PDK1: variants seen among roughly 807,000 people sequenced by gnomAD.
The protein encoded by PDK1 is pyruvate dehydrogenase kinase 1.
A neutral mutation model predicts 54.2 loss-of-function variants in PDK1; 39 were observed. The ratio of observed to expected loss-of-function variants is 0.72; its 90% CI spans 0.56 to 0.94. The LOEUF (loss-of-function observed/expected upper bound fraction) is 0.94. Among genes scored for constraint, PDK1 ranks in the 40% least tolerant of loss-of-function variants. The pLI is 0.00. For synonymous variants in PDK1, 221 were observed against 207.1 expected (o/e 1.07, Z -0.58); for missense variants, 552 against 566.0 (o/e 0.98, Z 0.25).
the PDK1 span, among the ~76,000 whole-genome samples, chr2:172,634,772 C>CAAA: frequency 5.2e-4 from 68 of 129,762 alleles, 1 homozygote; most frequent in African/African-American, 2.0e-3. Flanking sequence ...TCTTAAAATG[C>CAAA]AAAAAAAAAA....
intron 3 of PDK1, chr2:172,564,002 T>C (rs1365835033): frequency 2.1e-6 from 1 of 471,196 alleles, no homozygotes; most frequent in African/African-American, 2.0e-5. Flanking sequence ...AAATGAGAAT[T>C]CTTTTCTGTT....
rs553151811 is a variant in PDK1, at chr2:172,602,301, ATCTT to A, written c.*6335_*6338del. ...ATATTGTATCATGAGCAAAAGGAGAATCTTTCCCAGGAACAGGAGGATGTTTTAA... is the reference window on the plus strand; with the variant it reads ...ATATTGTATCATGAGCAAAAGGAGAATCCCAGGAACAGGAGGATGTTTTAA... On this transcript the variant is annotated 3_prime_UTR_variant, in exon 11 of 11. Transcript: ENST00000282077. 1.3e-5 allele frequency: 2 copies of A among 152,352 alleles called. No homozygotes were observed. Among genetic ancestry groups the A allele is most frequent in the South Asian group, 2.1e-4 (1 of 4,828 alleles). The allele number at this position is 152,352 out of a possible 1,614,324, so 9.4% of individuals were successfully genotyped here. A position where few individuals can be genotyped will look rare whatever the true frequency, so the allele number is the denominator to read the frequency against.
At chr2:172,580,464 C>T (rs1035817852) in intron 8 of PDK1, among the ~76,000 whole-genome samples, 5 of 152,044 alleles carry the variant, frequency 3.3e-5, no homozygotes, top group African/African-American at 7.3e-5. Flanking sequence ...TGCTATTATC[C>T]GTCATTGCAT....
chr2:172,567,909 G>A (rs977133854), intron 6 of PDK1, among the ~76,000 whole-genome samples: 1 of 152,204 alleles, frequency 6.6e-6, no homozygotes, highest in Non-Finnish European at 1.5e-5. Context: ...CCTATTAAGT[G>A]TTTAAATGTA....
chr2:172,688,878 G>A, the PDK1 span, among the ~76,000 whole-genome samples: 1 of 152,202 alleles, frequency 6.6e-6, no homozygotes, highest in Non-Finnish European at 1.5e-5. Context: ...TGTGTCCAGA[G>A]TTGGTTCCTT....
the PDK1 span, among the ~76,000 whole-genome samples, chr2:172,630,123 G>A: frequency 4.9e-3 from 750 of 152,242 alleles, 3 homozygotes; most frequent in Non-Finnish European, 8.9e-3. Context: ...ACTAACACTT[G>A]GGATCATATG....
chr2:172,700,266 T>C, the PDK1 span, among the ~76,000 whole-genome samples: 1 of 152,100 alleles, frequency 6.6e-6, no homozygotes, highest in African/African-American at 2.4e-5. Context: ...CAATGAGCTG[T>C]TGGGTACACC....
At chr2:172,622,255 C>CATATTATGTGAGATGTTTATATCTCAT in the PDK1 span, among the ~76,000 whole-genome samples, 1 of 124,936 alleles carries the variant, frequency 8.0e-6, no homozygotes, top group East Asian at 2.4e-4. Context: ...GTTTATATCT[C>CATATTATGTGAGATGTTTATATCTCAT]ATATTATGTG....
chr2:172,633,867 A>ATTTTTTTTT, the PDK1 span, among the ~76,000 whole-genome samples: 9 of 68,842 alleles, frequency 1.3e-4, 2 homozygotes, highest in Admixed American at 7.9e-4. Context: ...TTAGTCTATG[A>ATTTTTTTTT]TTTTTTTTTT....
the PDK1 span, among the ~76,000 whole-genome samples, chr2:172,715,051 C>T: frequency 6.6e-6 from 1 of 152,186 alleles, no homozygotes; most frequent in African/African-American, 2.4e-5. Flanking sequence ...ACAACACTAA[C>T]TCACTTCTAA....
chr2:172,692,611 A>G, the PDK1 span, among the ~76,000 whole-genome samples: 2 of 152,120 alleles, frequency 1.3e-5, no homozygotes, highest in African/African-American at 2.4e-5. Context: ...TGTCTCCCCA[A>G]GTTGGGGGTT....
At chr2:172,567,171 TCTTTG>T in intron 6 of PDK1, among the ~76,000 whole-genome samples, 1 of 152,236 alleles carries the variant, frequency 6.6e-6, no homozygotes, top group East Asian at 1.9e-4. Flanking sequence ...TAACTTTGAT[TCTTTG>T]CTTATTTTTT....
In PDK1 at chr2:172,602,582, C is replaced by T. The variant is rs1020338798; in HGVS notation, c.*6613C>T. The T allele has an allele frequency of 6.6e-6, 1 of 152,134 alleles. No individual in the cohort carries two copies. The highest frequency in any genetic ancestry group is 2.4e-5 in the African/African-American group (1 of 41,420). 9.4% of individuals were successfully genotyped at this position (152,134 alleles called of 1,614,324 possible). Reference sequence around the variant, plus strand: ...AATTTGTTGAGTAATACGTCCAAGGCGTCACCATTTGCCAGGCGTTGCAAG... The same window carrying T: ...AATTTGTTGAGTAATACGTCCAAGGTGTCACCATTTGCCAGGCGTTGCAAG... On this transcript the variant is annotated 3_prime_UTR_variant, in exon 11 of 11. Coordinates refer to ENST00000282077, the MANE Select transcript of PDK1 (RefSeq NM_002610.5).
intron 7 of PDK1, chr2:172,570,471 T>C (rs1440867976): frequency 8.9e-6 from 3 of 338,650 alleles, no homozygotes; most frequent in African/African-American, 4.2e-5. Context: ...TTAATGTAAC[T>C]AGTTAAAAGT....
chr2:172,676,688 G>C, the PDK1 span, among the ~76,000 whole-genome samples: 1 of 152,210 alleles, frequency 6.6e-6, no homozygotes, highest in Non-Finnish European at 1.5e-5. Context: ...GATAAAAAAG[G>C]ATTTAGAATA....
At chr2:172,722,270 C>T in the PDK1 span, among the ~76,000 whole-genome samples, 1 of 152,258 alleles carries the variant, frequency 6.6e-6, no homozygotes, top group Admixed American at 6.5e-5. Flanking sequence ...ATGAGCAAGA[C>T]ATCAACTTTG....
At chr2:172,620,394 T>C in the PDK1 span, among the ~76,000 whole-genome samples, 741 of 152,120 alleles carry the variant, frequency 4.9e-3, 1 homozygote, top group Middle Eastern at 0.017. Flanking sequence ...GTGATCAAGA[T>C]AGAGGGGACG....
the PDK1 span, among the ~76,000 whole-genome samples, chr2:172,646,934 A>G: frequency 4.0e-5 from 6 of 151,720 alleles, no homozygotes; most frequent in East Asian, 5.8e-4. Context: ...ACGGGGTTTC[A>G]CCATGTTGCT....
chr2:172,686,358 A>G, the PDK1 span, among the ~76,000 whole-genome samples: 3 of 152,228 alleles, frequency 2.0e-5, no homozygotes, highest in East Asian at 1.9e-4. Context: ...AAATGCACCA[A>G]TCGGCGCTTT....
Sources: gnomAD v4.1 joint callset for allele counts (sites outside exome capture counted in the v4.1 genomes callset) on GRCh38, gnomAD v4.1.1 for gene constraint, MANE v1.5 for transcripts, NCBI Gene and HGNC (gene_info 2026-07-23, HGNC 2026-07-21) for gene names.